MCM3: variants seen among roughly 807,000 people sequenced by gnomAD.
The protein encoded by MCM3 is DNA replication licensing factor MCM3.
In MCM3, 59 loss-of-function variants were observed where a neutral mutation model predicts 91.3. The observed-to-expected ratio is 0.65, with a 90% CI of 0.52 to 0.80. MCM3 has a LOEUF of 0.80. MCM3 is among the 30% of genes least tolerant of loss of function. MCM3 has a pLI of 0.00. For missense variants in MCM3, 919 were observed against 1,035.4 expected (o/e 0.89, Z 1.54); for synonymous variants, 383 against 379.6 (o/e 1.01, Z -0.10).
At chr6:52,272,178 A>G in intron 12 of MCM3, 123 bp downstream of exon 12, 1 of 921,972 alleles carries the variant, frequency 1.1e-6, no homozygotes, top group Non-Finnish European at 1.6e-6. Context: ...GTATAACAGG[A>G]AGCCCTTCAG....
Position 52,272,303 on chromosome 6 carries a change from T to C in MCM3, c.1825A>G (p.Arg609Gly). 1 of 1,614,036 alleles carries C rather than the reference T, an allele frequency of 6.2e-7. No homozygotes were observed. The highest frequency in any genetic ancestry group is 8.5e-7 in the Non-Finnish European group (1 of 1,179,952). ...CCTAGGCTCCCCCAGGCACTCACCC[T>C]GGCGGTGTCTGAGCTCATGCTATCC... ...SQDSMSSDTA[R>G]TSPVTARTLE... Residue 609 changes from arginine (R) to glycine (G), a missense_variant and splice_region_variant, in exon 12 of 17, where the codon AGG (arginine) becomes GGG (glycine). Transcript: ENST00000596288.
At position 52,264,628 on chromosome 6, in the gene MCM3, T is replaced by C. The variant is rs573829677; in HGVS notation, c.2387A>G (p.Asn796Ser). The C allele has an allele frequency of 3.2e-5, 51 of 1,614,124 alleles. No individual in the cohort carries two copies. The highest frequency in any genetic ancestry group is 2.8e-4 in the Admixed American group (17 of 60,024). Reference sequence around the variant, plus strand: ...GATGCCCTCAGACACCATGACCTGATTGTCATCCTGCATCTTGCTCAGAGC... The same window carrying C: ...GATGCCCTCAGACACCATGACCTGACTGTCATCCTGCATCTTGCTCAGAGC... ...QAALSKMQDD[N>S]QVMVSEGIIF... The change falls in exon 17 of 17, where the codon AAT (asparagine) becomes AGT (serine). Residue 796 changes from asparagine to serine, a missense_variant. Physicochemically the swap from Asn to Ser is conservative, Grantham distance 46. Transcript: ENST00000596288.
Position 52,283,347 on chromosome 6 carries a change from C to T in MCM3, c.138G>A (p.Arg46=). ...VRELISDNQY[R]LIVNVNDLRR... is the part of the protein sequence containing the mutation. ...GCAGGTCATTCACATTGACAATCAG[C>T]CGGTATTGGTTGTCACTGATCAGCT... The change falls in exon 2 of 17, where the codon CGG becomes CGA. Residue 46 remains arginine (R), a synonymous_variant. Coordinates refer to ENST00000596288, the MANE Select transcript of MCM3 (RefSeq NM_002388.6). The T allele has an allele frequency of 1.2e-6, 2 of 1,614,218 alleles. No individual in the cohort carries two copies. The highest frequency in any genetic ancestry group is 1.7e-6 in the Non-Finnish European group (2 of 1,180,038).
At chr6:52,277,414 C>T (rs1765676253) in intron 7 of MCM3, 121 bp downstream of exon 7, 5 of 1,143,818 alleles carry the variant, frequency 4.4e-6, no homozygotes, top group Admixed American at 2.4e-5. Flanking sequence ...TTCATTTTAG[C>T]CTTTTGTCCT....
chr6:52,276,239 G>A, intron 9 of MCM3, 29 bp downstream of exon 9: 1 of 1,584,412 alleles, frequency 6.3e-7, no homozygotes, highest in South Asian at 1.1e-5. Flanking sequence ...TGAAGGTGAG[G>A]ACAATGGTTG....
intron 16 of MCM3, 85 bp from the exon 17 acceptor site, chr6:52,264,871 A>C: frequency 9.1e-7 from 1 of 1,097,796 alleles, no homozygotes; most frequent in Non-Finnish European, 1.4e-6. Context: ...AATCCATAGT[A>C]TTAATACAGT....
At chr6:52,271,480 TAA>T (rs975560931) in intron 12 of MCM3, among the ~76,000 whole-genome samples, 1 of 151,990 alleles carries the variant, frequency 6.6e-6, no homozygotes, top group African/African-American at 2.4e-5. Context: ...TGGTCTCTAT[TAA>T]AAACACAAAA....
intron 7 of MCM3, 33 bp downstream of exon 7, chr6:52,277,502 A>G (rs776960534): frequency 6.3e-6 from 10 of 1,591,906 alleles, no homozygotes; most frequent in Non-Finnish European, 8.6e-6. Flanking sequence ...CTCCATCAGA[A>G]CAACAGTCTA....
rs1766104234 is a variant in MCM3 at position 52,281,619 on chromosome 6, G to A, written c.531+426C>T. ...TCGTTGAGTCCAGGAGTTTCAGGCT[G>A]CAGTGTTCTATAATGGCACCACTGC... On this transcript the variant is annotated intron_variant, in intron 4 of 16. Coordinates refer to ENST00000596288, the MANE Select transcript of MCM3 (RefSeq NM_002388.6). Among the ~76,000 whole-genome samples, 5 of 152,188 alleles carry A rather than the reference G, an allele frequency of 3.3e-5. No individual in the cohort carries two copies. In the South Asian group the frequency reaches 8.3e-4, roughly 25 times the overall value.
At chr6:52,277,789 C>T (rs1016529359) in intron 6 of MCM3, 101 bp from the exon 7 acceptor site, 6 of 1,048,906 alleles carry the variant, frequency 5.7e-6, no homozygotes, top group South Asian at 1.5e-5. Flanking sequence ...TTGAAGAGGG[C>T]CAGGCGCAGT....
intron 9 of MCM3, among the ~76,000 whole-genome samples, chr6:52,275,233 C>T (rs1457096973): frequency 3.3e-5 from 5 of 152,214 alleles, no homozygotes; most frequent in African/African-American, 7.2e-5. Context: ...ACCATCGCAT[C>T]GCAACAAGGT....
Position 52,273,879 on chromosome 6 carries a change from A to T in MCM3, c.1412T>A (p.Leu471Gln). The T allele has an allele frequency of 6.2e-7, 1 of 1,614,120 alleles. No individual in the cohort carries two copies. The highest frequency in any genetic ancestry group is 8.5e-7 in the Non-Finnish European group (1 of 1,179,990). Residue 471 changes from leucine to glutamine, a missense_variant, in exon 10 of 17, where the codon CTA becomes CAA. Transcript: ENST00000596288. The part of the protein sequence containing the change: ...QYKTPMENIG[L>Q]QDSLLSRFDL... ...AAATCGTGACAGCAGTGAGTCCTGT[A>T]GCCCAATGTTCTCCATTGGAGTCTT...
chr6:52,278,728 A>G lies in MCM3; in HGVS notation c.879+14T>C. On this transcript the variant is annotated intron_variant, in intron 6 of 16. Coordinates refer to ENST00000596288, the MANE Select transcript of MCM3 (RefSeq NM_002388.6). ...ATCCATTCCCACCCTCAAATTTCTA[A>G]AGGATGCCCAGACCTTGGATCGGGT... The G allele has an allele frequency of 6.3e-7, 1 of 1,585,998 alleles. No individual in the cohort carries two copies. Among genetic ancestry groups the G allele is most frequent in the East Asian group, 2.2e-5 (1 of 44,616 alleles).
At chr6:52,269,327 G>A in intron 12 of MCM3, 101 bp from the exon 13 acceptor site, 1 of 1,187,606 alleles carries the variant, frequency 8.4e-7, no homozygotes, top group Non-Finnish European at 1.2e-6. Flanking sequence ...AAAGCCCCAG[G>A]AGGCCCAAGC....
intron 9 of MCM3, chr6:52,275,990 T>C: frequency 2.6e-6 from 1 of 387,858 alleles, no homozygotes; most frequent in East Asian, 5.1e-5. Context: ...CACATGCATG[T>C]AGTCCTTTTA....
chr6:52,276,057 A>G (rs1765528126), intron 9 of MCM3: 1 of 567,452 alleles, frequency 1.8e-6, no homozygotes, highest in African/African-American at 1.9e-5. Flanking sequence ...TTAAAAAGTT[A>G]CTTTTAAATA....
chr6:52,272,731 A>G (rs938115935), intron 11 of MCM3, among the ~76,000 whole-genome samples: 2 of 152,226 alleles, frequency 1.3e-5, no homozygotes, highest in African/African-American at 4.8e-5. Context: ...AAGTTGACTA[A>G]AAGTTTTCTG....
At position 52,269,068 on chromosome 6, in the gene MCM3, A is replaced by C; in HGVS notation, c.1968+18T>G. ...ATATCCAGGAGATCCTCTCATGCCC[A>C]GGCATCTGAATCCTCACCTTCTTAA... On this transcript the variant is annotated intron_variant, in intron 13 of 16. Coordinates refer to ENST00000596288, the MANE Select transcript of MCM3 (RefSeq NM_002388.6). 6.2e-7 allele frequency: 1 copy of C among 1,604,818 alleles called. No homozygotes were observed. The highest frequency in any genetic ancestry group is 8.5e-7 in the Non-Finnish European group (1 of 1,172,912).
In MCM3 at chr6:52,264,321, G is replaced by T. The variant is rs1359923878; in HGVS notation, c.*267C>A. 2 of 430,876 alleles carry T rather than the reference G, an allele frequency of 4.6e-6. No homozygotes were observed. The highest frequency in any genetic ancestry group is 4.0e-5 in the African/African-American group (2 of 50,296). 26.7% of individuals were successfully genotyped at this position (430,876 alleles called of 1,614,324 possible). A position where few individuals can be genotyped will look rare whatever the true frequency, so the allele number is the denominator to read the frequency against. On this transcript the variant is annotated 3_prime_UTR_variant, in exon 17 of 17. Coordinates refer to ENST00000596288, the MANE Select transcript of MCM3 (RefSeq NM_002388.6). Reference sequence around the variant, plus strand: ...TGGGTTTGTGTGGGATGGGAAGTAGGGCGGATGAGCCAGTGCTTTTGCAAT... The same window carrying T: ...TGGGTTTGTGTGGGATGGGAAGTAGTGCGGATGAGCCAGTGCTTTTGCAAT...
Sources: gnomAD v4.1 joint callset for allele counts (sites outside exome capture counted in the v4.1 genomes callset) on GRCh38, gnomAD v4.1.1 for gene constraint, MANE v1.5 for transcripts, NCBI Gene and HGNC (gene_info 2026-07-23, HGNC 2026-07-21) for gene names.